The following RPH3A variants were observed in gnomAD, a reference collection of about 807,000 sequenced individuals.
RPH3A encodes the protein rabphilin-3A.
A neutral mutation model predicts 102.2 loss-of-function variants in RPH3A; 48 were observed. That is an observed-to-expected ratio of 0.47 (90% CI 0.37 to 0.60). RPH3A has a LOEUF of 0.60. Among genes scored for constraint, RPH3A ranks in the 20% least tolerant of loss-of-function variants. The pLI is 0.00. For synonymous variants in RPH3A, 310 were observed against 324.3 expected (o/e 0.96, Z 0.47); for missense variants, 781 against 910.1 (o/e 0.86, Z 1.83).
intron 2 of RPH3A, among the ~76,000 whole-genome samples, chr12:112,823,305 C>T (rs2041812348): frequency 6.6e-6 from 1 of 152,224 alleles, no homozygotes; most frequent in South Asian, 2.1e-4. Flanking sequence ...AACCCCAGTT[C>T]TGCTACTTGG....
intron 1 of RPH3A, among the ~76,000 whole-genome samples, chr12:112,585,419 A>G (rs1325355152): frequency 2.6e-5 from 4 of 152,178 alleles, no homozygotes; most frequent in Non-Finnish European, 5.9e-5. Flanking sequence ...TGGCCTCATG[A>G]CTGCACATTG....
intron 2 of RPH3A, among the ~76,000 whole-genome samples, chr12:112,821,674 A>G (rs764521126): frequency 6.6e-6 from 1 of 151,966 alleles, no homozygotes; most frequent in Non-Finnish European, 1.5e-5. Flanking sequence ...CAAGTTCCCA[A>G]TCATCCTTCC....
At chr12:112,879,694 G>A (rs2042873384) in intron 14 of RPH3A, among the ~76,000 whole-genome samples, 1 of 152,218 alleles carries the variant, frequency 6.6e-6, no homozygotes, top group Admixed American at 6.5e-5. Flanking sequence ...CTGGGGGAGT[G>A]AGCTGACTTG....
chr12:112,805,402 G>A (rs11066420), intron 2 of RPH3A, among the ~76,000 whole-genome samples: 3,341 of 152,276 alleles, frequency 0.022, 106 homozygotes, highest in African/African-American at 0.075. Flanking sequence ...GGAATCTGCA[G>A]TGTAAAGAGT....
chr12:112,662,633 G>A (rs775307064), intron 1 of RPH3A, among the ~76,000 whole-genome samples: 1 of 152,168 alleles, frequency 6.6e-6, no homozygotes, highest in African/African-American at 2.4e-5. Flanking sequence ...CTCAATTGCT[G>A]AATGCTATAT....
rs551301322 is a variant in RPH3A at position 112,820,513 on chromosome 12, T to G, written c.-18-7788T>G. ...AGTCTTCTAAGCCTCGGTATCTCCATCTGCAAAATGGAGATAATACTTGTA... is the reference window on the plus strand; with the variant it reads ...AGTCTTCTAAGCCTCGGTATCTCCAGCTGCAAAATGGAGATAATACTTGTA... On this transcript the variant is annotated intron_variant, in intron 2 of 21. Coordinates refer to ENST00000389385, the MANE Select transcript of RPH3A (RefSeq NM_001143854.2). Among the ~76,000 whole-genome samples the G allele has an allele frequency of 3.3e-5, 5 of 152,302 alleles. No homozygotes were observed. In the South Asian group the frequency reaches 1.0e-3, roughly 32 times the overall value.
intron 1 of RPH3A, among the ~76,000 whole-genome samples, chr12:112,730,457 T>C (rs565233846): frequency 6.6e-6 from 1 of 152,302 alleles, no homozygotes; most frequent in South Asian, 2.1e-4. Context: ...GGTAGGGGTA[T>C]GATATAAAGG....
At chr12:112,843,448 G>A (rs1162911238) in intron 4 of RPH3A, among the ~76,000 whole-genome samples, 1 of 152,202 alleles carries the variant, frequency 6.6e-6, no homozygotes, top group Non-Finnish European at 1.5e-5. Context: ...CAGCAGGGCT[G>A]CTCATCTGCA....
At chr12:112,749,537 G>A (rs2136059713) in intron 1 of RPH3A, among the ~76,000 whole-genome samples, 1 of 152,264 alleles carries the variant, frequency 6.6e-6, no homozygotes, top group Admixed American at 6.5e-5. Context: ...CATTTCTGAG[G>A]TAGAAATCTG....
intron 1 of RPH3A, among the ~76,000 whole-genome samples, chr12:112,641,234 A>G (rs2039887714): frequency 6.6e-6 from 1 of 152,212 alleles, no homozygotes. Flanking sequence ...ATTCAAAGCT[A>G]TACAGTAAAA....
intron 2 of RPH3A, among the ~76,000 whole-genome samples, chr12:112,813,583 C>T (rs2041618801): frequency 6.6e-6 from 1 of 152,164 alleles, no homozygotes; most frequent in African/African-American, 2.4e-5. Context: ...AGCGTACTTC[C>T]TGTGACTAGA....
chr12:112,782,269 G>C (rs914459598), intron 1 of RPH3A, among the ~76,000 whole-genome samples: 1 of 152,222 alleles, frequency 6.6e-6, no homozygotes, highest in Non-Finnish European at 1.5e-5. Context: ...GAGAAATGGG[G>C]ATTAATTTTA....
At chr12:112,583,091 AG>A (rs1240569893) in intron 1 of RPH3A, among the ~76,000 whole-genome samples, 1 of 152,150 alleles carries the variant, frequency 6.6e-6, no homozygotes, top group Non-Finnish European at 1.5e-5. Context: ...AGTGGCTGGG[AG>A]GTAACTCTGA....
intron 1 of RPH3A, among the ~76,000 whole-genome samples, chr12:112,779,311 C>CCT (rs2040990319): frequency 6.6e-6 from 1 of 152,148 alleles, no homozygotes. Context: ...TCGGAGGAGT[C>CCT]CCATGTCTCC....
At chr12:112,637,193 T>C (rs991391076) in intron 1 of RPH3A, among the ~76,000 whole-genome samples, 2 of 152,188 alleles carry the variant, frequency 1.3e-5, no homozygotes, top group South Asian at 2.1e-4. Flanking sequence ...TTACTGCTTA[T>C]GTGAACATAT....
intron 1 of RPH3A, among the ~76,000 whole-genome samples, chr12:112,727,442 TACACACACAGACACAGAC>T (rs1269729698): frequency 2.1e-5 from 2 of 93,792 alleles, no homozygotes; most frequent in African/African-American, 8.7e-5. Flanking sequence ...CACACATACA[TACACACACAGACACAGAC>T]ACACACACAC....
At chr12:112,715,686 C>T (rs2040509183) in intron 1 of RPH3A, among the ~76,000 whole-genome samples, 1 of 152,138 alleles carries the variant, frequency 6.6e-6, no homozygotes, top group Admixed American at 6.5e-5. Context: ...TCATATACCC[C>T]TTGGCATTCC....
At chr12:112,782,121 G>C (rs1340236351) in intron 1 of RPH3A, among the ~76,000 whole-genome samples, 1 of 152,250 alleles carries the variant, frequency 6.6e-6, no homozygotes, top group Non-Finnish European at 1.5e-5. Context: ...CAGATACTCT[G>C]TTCCTGTCCC....
intron 2 of RPH3A, among the ~76,000 whole-genome samples, chr12:112,822,660 T>C (rs985097491): frequency 1.3e-5 from 2 of 152,212 alleles, no homozygotes; most frequent in African/African-American, 4.8e-5. Flanking sequence ...TTCAGATTCA[T>C]CCAGCTATCC....
Sources: gnomAD v4.1 joint callset for allele counts (sites outside exome capture counted in the v4.1 genomes callset) on GRCh38, gnomAD v4.1.1 for gene constraint, MANE v1.5 for transcripts, NCBI Gene and HGNC (gene_info 2026-07-23, HGNC 2026-07-21) for gene names.